MCTP2: variants seen among roughly 807,000 people sequenced by gnomAD.
MCTP2 encodes the protein multiple C2 and transmembrane domain containing 2.
In MCTP2, 132 loss-of-function variants were observed where a neutral mutation model predicts 111.6. The observed-to-expected ratio is 1.18, with a 90% CI of 1.03 to 1.37. The LOEUF (loss-of-function observed/expected upper bound fraction) is 1.37. Ranked by LOEUF, MCTP2 falls within the 40% of genes most tolerant of loss-of-function variation. The pLI is 0.00. For missense variants in MCTP2, 1,183 were observed against 1,067.9 expected, an observed-to-expected ratio of 1.11 and a Z score of -1.50; for synonymous variants, 395 against 387.7, an observed-to-expected ratio of 1.02 and a Z score of -0.22.
Position 94,242,956 on chromosome 15 carries a change from T to TACACGTGTATATGTGTATCTACACATAC in MCTP2, c.-66+11295_-66+11322dup, listed in dbSNP as rs1567248408. 3.9e-4 allele frequency among the ~76,000 whole-genome samples: 50 copies of TACACGTGTATATGTGTATCTACACATAC among 129,014 alleles called. 2 individuals carry two copies. Among genetic ancestry groups the TACACGTGTATATGTGTATCTACACATAC allele is most frequent in the East Asian group, 9.8e-4 (4 of 4,102 alleles). 84.6% of individuals were successfully genotyped at this position (129,014 alleles called of 152,430 possible). A position where few individuals can be genotyped will look rare whatever the true frequency, so the allele number is the denominator to read the frequency against. On this transcript the variant is annotated intron_variant, in intron 1 of 22. Transcript: ENST00000357742. ...ACACGTGTATATGTAGATACACATATACACGTGTATATGTGTATCTACACA... is the reference window on the plus strand; with the variant it reads ...ACACGTGTATATGTAGATACACATATACACGTGTATATGTGTATCTACACATACACACGTGTATATGTGTATCTACACA...
intron 21 of MCTP2, among the ~76,000 whole-genome samples, chr15:94,475,141 C>T (rs1237725528): frequency 6.6e-6 from 1 of 151,968 alleles, no homozygotes; most frequent in Non-Finnish European, 1.5e-5. Context: ...GCCCATGCTA[C>T]AATTAAATGT....
At chr15:94,440,034 T>C in intron 17 of MCTP2, 142 bp from the exon 18 acceptor site, 1 of 885,170 alleles carries the variant, frequency 1.1e-6, no homozygotes, top group Non-Finnish European at 1.7e-6. Context: ...GATCATTGTG[T>C]GTGTGCGTAC....
chr15:94,404,448 C>T (rs891642133), intron 17 of MCTP2, among the ~76,000 whole-genome samples: 15 of 151,772 alleles, frequency 9.9e-5, no homozygotes, highest in South Asian at 2.1e-4. Context: ...ACTACAGGCA[C>T]GCACCACCAT....
At chr15:94,326,116 G>T (rs192619093) in intron 4 of MCTP2, among the ~76,000 whole-genome samples, 139 of 152,146 alleles carry the variant, frequency 9.1e-4, no homozygotes, top group Non-Finnish European at 1.5e-3. Flanking sequence ...ACCGTGGCTG[G>T]CCCGCCCCGA....
intron 1 of MCTP2, among the ~76,000 whole-genome samples, chr15:94,246,527 C>T (rs1242329761): frequency 6.6e-6 from 1 of 152,160 alleles, no homozygotes; most frequent in East Asian, 1.9e-4. Context: ...ACTCATTTAA[C>T]TTTAATGCCA....
intron 2 of MCTP2, among the ~76,000 whole-genome samples, chr15:94,304,504 T>G (rs1362811232): frequency 6.6e-6 from 1 of 152,224 alleles, no homozygotes; most frequent in Admixed American, 6.5e-5. Flanking sequence ...CATTCTTCAT[T>G]TTTGTCAAAT....
chr15:94,318,093 G>A (rs1368875105), intron 4 of MCTP2, among the ~76,000 whole-genome samples: 1 of 151,990 alleles, frequency 6.6e-6, no homozygotes, highest in Non-Finnish European at 1.5e-5. Flanking sequence ...TTCTTACCCT[G>A]ATCCGGCACA....
At position 94,442,628 on chromosome 15, in the gene MCTP2, G is replaced by A. The variant is rs545455565; in HGVS notation, c.2209-291G>A. Among the ~76,000 whole-genome samples, 188 of 152,186 alleles carry A rather than the reference G, an allele frequency of 1.2e-3. 1 individual carries two copies. The highest frequency in any genetic ancestry group is 2.5e-3 in the Non-Finnish European group (172 of 68,020). ...CATTTGTCAGAATAAGAACAACACT[G>A]TTTACAGAAAGTACAACTCAGCAAT... On this transcript the variant is annotated intron_variant, in intron 18 of 22. Coordinates refer to ENST00000357742, the MANE Select transcript of MCTP2 (RefSeq NM_001385001.1).
chr15:94,415,869 T>C (rs539261863), intron 17 of MCTP2, among the ~76,000 whole-genome samples: 1 of 152,306 alleles, frequency 6.6e-6, no homozygotes, highest in South Asian at 2.1e-4. Context: ...CTGTATCTCT[T>C]ATATTGCTTT....
intron 10 of MCTP2, among the ~76,000 whole-genome samples, chr15:94,367,184 T>C (rs1240079412): frequency 1.3e-5 from 2 of 152,070 alleles, no homozygotes; most frequent in African/African-American, 4.8e-5. Context: ...CTTATCTTTT[T>C]TTTTCCTTCA....
chr15:94,288,860 C>G (rs1386997261), intron 1 of MCTP2, among the ~76,000 whole-genome samples: 1 of 152,194 alleles, frequency 6.6e-6, no homozygotes, highest in African/African-American at 2.4e-5. Flanking sequence ...CTGCCTGCCC[C>G]ACCCATTCTC....
intron 12 of MCTP2, among the ~76,000 whole-genome samples, chr15:94,382,731 G>T (rs1447206697): frequency 6.6e-6 from 1 of 152,256 alleles, no homozygotes; most frequent in Non-Finnish European, 1.5e-5. Flanking sequence ...GCCCTGGCCT[G>T]GGACTCCTTG....
At chr15:94,375,293 G>A (rs1225933114) in intron 12 of MCTP2, among the ~76,000 whole-genome samples, 1 of 152,140 alleles carries the variant, frequency 6.6e-6, no homozygotes, top group Non-Finnish European at 1.5e-5. Context: ...ATCACCTCCT[G>A]CTGGGCCCCA....
At chr15:94,245,272 ATACG>A (rs1385672245) in intron 1 of MCTP2, among the ~76,000 whole-genome samples, 1 of 136,526 alleles carries the variant, frequency 7.3e-6, no homozygotes, top group Admixed American at 7.4e-5. Flanking sequence ...ATATGTGTAT[ATACG>A]TATATACACA....
At chr15:94,396,412 AAAT>A (rs2081283405) in intron 14 of MCTP2, among the ~76,000 whole-genome samples, 1 of 152,106 alleles carries the variant, frequency 6.6e-6, no homozygotes, top group Non-Finnish European at 1.5e-5. Flanking sequence ...TTTTAAATAT[AAAT>A]AATAAATTTT....
intron 18 of MCTP2, among the ~76,000 whole-genome samples, chr15:94,440,784 T>C (rs1341332822): frequency 6.6e-6 from 1 of 152,140 alleles, no homozygotes; most frequent in Non-Finnish European, 1.5e-5. Flanking sequence ...AGAGAGTGGG[T>C]GGGCTTAGAT....
intron 12 of MCTP2, among the ~76,000 whole-genome samples, chr15:94,381,106 G>T (rs2080111199): frequency 6.6e-6 from 1 of 152,216 alleles, no homozygotes; most frequent in Non-Finnish European, 1.5e-5. Flanking sequence ...ATGTATGTAT[G>T]TCAGTCTCCC....
chr15:94,266,088 A>C (rs1201864455), intron 1 of MCTP2, among the ~76,000 whole-genome samples: 52 of 151,268 alleles, frequency 3.4e-4, no homozygotes. Context: ...GCGCACACAC[A>C]CACACACGTG....
intron 1 of MCTP2, among the ~76,000 whole-genome samples, chr15:94,260,079 A>G (rs1291283518): frequency 2.0e-5 from 3 of 152,144 alleles, no homozygotes; most frequent in Admixed American, 6.5e-5. Flanking sequence ...TCTCTGGAAT[A>G]TATGAAAAGG....
Sources: gnomAD v4.1 joint callset for allele counts (sites outside exome capture counted in the v4.1 genomes callset) on GRCh38, gnomAD v4.1.1 for gene constraint, MANE v1.5 for transcripts, NCBI Gene and HGNC (gene_info 2026-07-23, HGNC 2026-07-21) for gene names.